Variants in KIF13B observed in about 807,000 individuals in gnomAD.
KIF13B encodes the protein kinesin family member 13B.
KIF13B carries 127 observed loss-of-function variants against 222.0 expected under a neutral mutation model. The observed-to-expected ratio is 0.57, with a 90% CI of 0.50 to 0.66. The LOEUF is 0.66. Among genes scored for constraint, KIF13B ranks in the 30% least tolerant of loss-of-function variants. The pLI is 0.00. For missense variants in KIF13B, 2,173 were observed against 2,379.0 expected, an observed-to-expected ratio of 0.91 and a Z score of 1.80; for synonymous variants, 976 against 919.0, an observed-to-expected ratio of 1.06 and a Z score of -1.12.
Position 29,180,211 on chromosome 8 carries a change from T to C in KIF13B, c.613A>G (p.Asn205Asp). The change falls in exon 8 of 40, where the codon AAC becomes GAC. Residue 205 changes from asparagine (N) to aspartate (D), a missense_variant. Coordinates refer to ENST00000524189, the MANE Select transcript of KIF13B (RefSeq NM_015254.4). ...GTTGCAGCAACTGTGCGAGATTTGT[T>C]ACCCTCAGACATCAACGACTCAATA... is the stretch of plus-strand genomic sequence containing the variant. ...KDIESLMSEGNKSRTVAATNM... is the reference protein window; with the variant it reads ...KDIESLMSEGDKSRTVAATNM... The C allele has an allele frequency of 6.2e-7, 1 of 1,614,016 alleles. No homozygotes were observed. The highest frequency in any genetic ancestry group is 8.5e-7 in the Non-Finnish European group (1 of 1,179,882).
intron 36 of KIF13B, among the ~76,000 whole-genome samples, chr8:29,096,112 G>A (rs1456192362): frequency 2.0e-5 from 3 of 151,496 alleles, no homozygotes; most frequent in African/African-American, 7.3e-5. Flanking sequence ...CTCCGGAGGA[G>A]CTGGGACTAC....
chr8:29,075,383 G>C (rs1193309049), intron 37 of KIF13B, 40 bp from the exon 38 acceptor site: 3 of 1,529,794 alleles, frequency 2.0e-6, no homozygotes, highest in East Asian at 2.5e-5. Flanking sequence ...CGAGAGGACA[G>C]AACAGGGGTA....
chr8:29,180,400 A>T (rs1027090713), intron 7 of KIF13B, among the ~76,000 whole-genome samples, 162 bp from the exon 8 acceptor site: 1 of 152,230 alleles, frequency 6.6e-6, no homozygotes, highest in African/African-American at 2.4e-5. Flanking sequence ...GGAGTACAAT[A>T]GCCAATACTG....
At chr8:29,172,680 A>G (rs1206714061) in intron 10 of KIF13B, among the ~76,000 whole-genome samples, 2 of 152,164 alleles carry the variant, frequency 1.3e-5, no homozygotes, top group African/African-American at 2.4e-5. Context: ...CGATGATTCC[A>G]ATCCCGATCC....
In KIF13B at chr8:29,129,894, T is replaced by A. The variant is rs111479581; in HGVS notation, c.3075+639A>T. 7.1e-3 allele frequency among the ~76,000 whole-genome samples: 1,075 copies of A among 152,300 alleles called. 10 individuals are homozygous for A. Among genetic ancestry groups the A allele is most frequent in the African/African-American group, 0.025 (1,042 of 41,568 alleles). ...CACTAATCTCATGAAGGTGGTGTTA[T>A]CATCATGTCTACATAACAGGCGAAG... On this transcript the variant is annotated intron_variant, in intron 24 of 39. Coordinates refer to ENST00000524189, the MANE Select transcript of KIF13B (RefSeq NM_015254.4).
intron 37 of KIF13B, among the ~76,000 whole-genome samples, chr8:29,078,127 C>CAAAAAAAAAAAAAAAAAAAA (rs10530503): frequency 1.3e-5 from 1 of 74,278 alleles, no homozygotes; most frequent in African/African-American, 6.0e-5. Flanking sequence ...TACTAAAATC[C>CAAAAAAAAAAAAAAAAAAAA]AAAAAAAAAA....
intron 24 of KIF13B, among the ~76,000 whole-genome samples, chr8:29,128,467 T>C (rs1810209667): frequency 6.6e-6 from 1 of 152,240 alleles, no homozygotes; most frequent in Non-Finnish European, 1.5e-5. Context: ...GGGATACAGA[T>C]GTTTTCTGAT....
At chr8:29,164,716 T>C (rs1045726492) in intron 12 of KIF13B, among the ~76,000 whole-genome samples, 1 of 152,208 alleles carries the variant, frequency 6.6e-6, no homozygotes, top group African/African-American at 2.4e-5. Context: ...ACCATATGTA[T>C]TTCTAAAACA....
intron 36 of KIF13B, among the ~76,000 whole-genome samples, chr8:29,097,987 T>A (rs560826418): frequency 1.3e-5 from 2 of 151,392 alleles, no homozygotes; most frequent in Non-Finnish European, 2.9e-5. Flanking sequence ...CTGGCTAACA[T>A]GGTGAAACTC....
At chr8:29,113,914 G>A (rs138570940) in intron 31 of KIF13B, among the ~76,000 whole-genome samples, 1 of 152,292 alleles carries the variant, frequency 6.6e-6, no homozygotes, top group East Asian at 1.9e-4. Flanking sequence ...TGGAAGCAAC[G>A]ACTGGTGATG....
intron 2 of KIF13B, among the ~76,000 whole-genome samples, chr8:29,235,378 T>A (rs888662801): frequency 2.6e-5 from 4 of 151,460 alleles, no homozygotes; most frequent in Admixed American, 6.6e-5. Context: ...CTCCACAGAG[T>A]GGGGTGGAAG....
At chr8:29,073,078 T>G (rs867597372) in intron 38 of KIF13B, among the ~76,000 whole-genome samples, 226 of 93,056 alleles carry the variant, frequency 2.4e-3, no homozygotes, top group African/African-American at 5.2e-3. Context: ...CGAGGAGGGG[T>G]ACGAGGAGGG....
chr8:29,208,884 G>A (rs1402845177), intron 2 of KIF13B, among the ~76,000 whole-genome samples: 1 of 152,146 alleles, frequency 6.6e-6, no homozygotes, highest in Non-Finnish European at 1.5e-5. Context: ...ACCCTCGAAG[G>A]TTTCCTTTTC....
At chr8:29,125,408 G>A (rs572540405) in intron 26 of KIF13B, among the ~76,000 whole-genome samples, 54 of 152,296 alleles carry the variant, frequency 3.5e-4, no homozygotes, top group African/African-American at 1.3e-3. Context: ...CATTGTTGTG[G>A]ACAAGATGGA....
chr8:29,232,299 A>T (rs910822750), intron 2 of KIF13B, among the ~76,000 whole-genome samples: 3 of 150,938 alleles, frequency 2.0e-5, no homozygotes, highest in African/African-American at 4.8e-5. Context: ...ATAAAAATTT[A>T]AAAATAAAAT....
chr8:29,192,719 T>C (rs1017608074), intron 3 of KIF13B, among the ~76,000 whole-genome samples: 1 of 152,116 alleles, frequency 6.6e-6, no homozygotes, highest in African/African-American at 2.4e-5. Flanking sequence ...TAGGTTAAGA[T>C]GGTAAATTAA....
chr8:29,235,564 C>A (rs1404082054), intron 2 of KIF13B, among the ~76,000 whole-genome samples: 1 of 152,056 alleles, frequency 6.6e-6, no homozygotes, highest in Non-Finnish European at 1.5e-5. Context: ...TGCAGACCAC[C>A]AAAGACCCAG....
chr8:29,111,823 TTAGA>T (rs1809368756), intron 32 of KIF13B, among the ~76,000 whole-genome samples: 1 of 152,184 alleles, frequency 6.6e-6, no homozygotes, highest in Non-Finnish European at 1.5e-5. Context: ...TAGAAAATGT[TTAGA>T]TACACAGAGT....
At chr8:29,120,110 C>T (rs1809787321) in intron 29 of KIF13B, among the ~76,000 whole-genome samples, 1 of 150,354 alleles carries the variant, frequency 6.7e-6, no homozygotes, top group South Asian at 2.1e-4. Flanking sequence ...ATATGTAAAA[C>T]GTATCCAGGC....
Sources: allele counts gnomAD v4.1 joint callset (sites outside exome capture counted in the v4.1 genomes callset), GRCh38; gene constraint gnomAD v4.1.1; transcripts MANE v1.5; gene names NCBI Gene and HGNC (gene_info 2026-07-23, HGNC 2026-07-21).